Variants in AK8 observed in about 807,000 individuals in gnomAD.
AK8 encodes the protein ATP-AMP transphosphorylase 8.
In AK8, 44 loss-of-function variants were observed where a neutral mutation model predicts 54.6. The ratio of observed to expected loss-of-function variants is 0.81; its 90% CI spans 0.63 to 1.04. AK8 has a LOEUF of 1.04. AK8 is among the 50% of genes least tolerant of loss of function. The pLI is 0.00. For missense variants in AK8, 555 were observed against 613.6 expected (o/e 0.90, Z 1.01); for synonymous variants, 239 against 245.6 (o/e 0.97, Z 0.25).
chr9:132,819,353 T>G (rs750181519), intron 9 of AK8, among the ~76,000 whole-genome samples: 16 of 152,234 alleles, frequency 1.1e-4, no homozygotes, highest in Non-Finnish European at 2.1e-4. Flanking sequence ...TACGCCATTT[T>G]GTATCAGAGA....
At chr9:132,830,300 A>G (rs955366405) in intron 5 of AK8, among the ~76,000 whole-genome samples, 15 of 152,192 alleles carry the variant, frequency 9.9e-5, no homozygotes, top group Non-Finnish European at 2.1e-4. Flanking sequence ...ACATCCTCAG[A>G]TAAATTTCTA....
chr9:132,737,513 A>C (rs750731004), intron 11 of AK8, among the ~76,000 whole-genome samples: 11 of 152,266 alleles, frequency 7.2e-5, no homozygotes, highest in Non-Finnish European at 1.3e-4. Context: ...ATCTAGCATT[A>C]CATAAAAAGA....
In AK8 at chr9:132,774,197, G is replaced by A. The variant is rs534627171; in HGVS notation, c.1121+18437C>T. On this transcript the variant is annotated intron_variant, in intron 11 of 12. Transcript: ENST00000298545. ...AGAGAAAAGGAGGCACAATGCCAGCGCCCCTGGATGGACACTGTCTCGTGG... is the reference window on the plus strand; with the variant it reads ...AGAGAAAAGGAGGCACAATGCCAGCACCCCTGGATGGACACTGTCTCGTGG... 1.1e-4 allele frequency among the ~76,000 whole-genome samples: 16 copies of A among 152,196 alleles called. No homozygotes were observed. The East Asian group carries it at 1.7e-3, about 17-fold the overall frequency.
intron 11 of AK8, among the ~76,000 whole-genome samples, chr9:132,759,538 G>A (rs989489469): frequency 5.3e-5 from 8 of 152,168 alleles, no homozygotes; most frequent in African/African-American, 1.4e-4. Flanking sequence ...AGATAGTTTC[G>A]TATATGTTCT....
intron 4 of AK8, among the ~76,000 whole-genome samples, chr9:132,862,809 G>A (rs1236447480): frequency 1.3e-5 from 2 of 152,182 alleles, no homozygotes; most frequent in African/African-American, 4.8e-5. Context: ...TGGCTTTGAA[G>A]CTGCCTTTGT....
chr9:132,867,044 C>A, intron 2 of AK8, 91 bp from the exon 3 acceptor site: 2 of 1,275,868 alleles, frequency 1.6e-6, no homozygotes, highest in African/African-American at 1.5e-5. Context: ...TTTCTCCCTC[C>A]CTAGATTTCA....
intron 11 of AK8, among the ~76,000 whole-genome samples, chr9:132,750,253 G>A (rs1177577298): frequency 6.6e-6 from 1 of 151,840 alleles, no homozygotes; most frequent in Non-Finnish European, 1.5e-5. Context: ...CGAGTAGCTG[G>A]GATTACAGGC....
chr9:132,814,485 A>C (rs1841225612), intron 10 of AK8, among the ~76,000 whole-genome samples, 153 bp downstream of exon 10: 1 of 152,078 alleles, frequency 6.6e-6, no homozygotes, highest in Non-Finnish European at 1.5e-5. Flanking sequence ...TACCGGAAGC[A>C]AGCAGCAGAG....
rs1841885630 is a variant in AK8, at chr9:132,826,784, A to C, written c.757+70T>G. On this transcript the variant is annotated intron_variant, in intron 8 of 12. Transcript: ENST00000298545. This position sits in a 1 kb window ranked among gnomAD's most constrained non-coding sequence, Gnocchi z 4.5. ...TGGCCACTACCAGAATAAGGGACAAAGTGGTAGAAGGCACAGCGAGCCCCG... is the reference window on the plus strand; with the variant it reads ...TGGCCACTACCAGAATAAGGGACAACGTGGTAGAAGGCACAGCGAGCCCCG... The C allele has an allele frequency of 2.0e-6, 3 of 1,525,298 alleles. No individual in the cohort carries two copies. The highest frequency in any genetic ancestry group is 3.4e-5 in the Admixed American group (2 of 59,246). The allele number at this position is 1,525,298 out of a possible 1,614,324, so 94.5% of individuals were successfully genotyped here. A position where few individuals can be genotyped will look rare whatever the true frequency, so the allele number is the denominator to read the frequency against.
At chr9:132,850,178 C>T (rs1296349991) in intron 5 of AK8, among the ~76,000 whole-genome samples, 4 of 149,510 alleles carry the variant, frequency 2.7e-5, no homozygotes, top group African/African-American at 9.8e-5. Flanking sequence ...CTCAGCCTAC[C>T]GAGTAGCTGG....
chr9:132,740,078 A>G (rs1018690815), intron 11 of AK8, among the ~76,000 whole-genome samples: 6 of 152,252 alleles, frequency 3.9e-5, no homozygotes, highest in African/African-American at 1.4e-4. Flanking sequence ...TAAATGCGGA[A>G]GAGAAGTGCA....
At position 132,781,034 on chromosome 9, in the gene AK8, C is replaced by T. The variant is rs916973641; in HGVS notation, c.1121+11600G>A. ...CATCAATCAGAATCCTATACTCTTT[C>T]TCTGTAGTAAGCATTAATTTTAAAA... is the stretch of plus-strand genomic sequence containing the variant. On this transcript the variant is annotated intron_variant, in intron 11 of 12. Transcript: ENST00000298545. This position sits in a 1 kb window ranked among gnomAD's most constrained non-coding sequence, Gnocchi z 4.6. 2.0e-5 allele frequency among the ~76,000 whole-genome samples: 3 copies of T among 152,170 alleles called. No individual in the cohort carries two copies. Among genetic ancestry groups the T allele is most frequent in the African/African-American group, 7.2e-5 (3 of 41,434 alleles).
At chr9:132,810,811 C>T (rs920198047) in intron 10 of AK8, among the ~76,000 whole-genome samples, 3 of 152,112 alleles carry the variant, frequency 2.0e-5, no homozygotes, top group Non-Finnish European at 4.4e-5. Flanking sequence ...GTTCTCTTTC[C>T]AAGCAATTGC....
rs185870777 is a variant in AK8 at position 132,834,582 on chromosome 9, G to T, written c.403-5856C>A. 5.9e-5 allele frequency among the ~76,000 whole-genome samples: 9 copies of T among 152,280 alleles called. No individual in the cohort carries two copies. In the East Asian group the frequency reaches 1.7e-3, roughly 29 times the overall value. ...GCAGGAACCCGTTACCCCTTAACTT[G>T]CTCTGATTCCTCCACCTGATCAAGG... On this transcript the variant is annotated intron_variant, in intron 5 of 12. Transcript: ENST00000298545.
rs1156617484 is a variant in AK8 at position 132,769,583 on chromosome 9, T to G, written c.1121+23051A>C. 30 of 152,268 alleles carry G rather than the reference T, an allele frequency of 2.0e-4. 1 individual carries two copies. The East Asian group carries it at 5.6e-3, about 28-fold the overall frequency. The allele number at this position is 152,268 out of a possible 1,614,324, so 9.4% of individuals were successfully genotyped here. ...CATAAGAGAAGGGCTCCAGCAAGAA[T>G]GCAAAGGAAGATTTGTCTAAAATGG... On this transcript the variant is annotated intron_variant, in intron 11 of 12. Coordinates refer to ENST00000298545, the MANE Select transcript of AK8 (RefSeq NM_152572.3).
intron 11 of AK8, among the ~76,000 whole-genome samples, chr9:132,738,638 C>T (rs1564374271): frequency 6.6e-6 from 1 of 151,948 alleles, no homozygotes; most frequent in Non-Finnish European, 1.5e-5. Flanking sequence ...GGATGTTTCC[C>T]TTGGGCAACA....
At chr9:132,784,063 G>A (rs1356863625) in intron 11 of AK8, among the ~76,000 whole-genome samples, 1 of 152,162 alleles carries the variant, frequency 6.6e-6, no homozygotes, top group Non-Finnish European at 1.5e-5. Flanking sequence ...CTGAAATACT[G>A]TAAGTGAAAG....
At chr9:132,855,153 C>T (rs1434313536) in intron 4 of AK8, among the ~76,000 whole-genome samples, 1 of 152,138 alleles carries the variant, frequency 6.6e-6, no homozygotes, top group African/African-American at 2.4e-5. Context: ...GTGCCCAAGC[C>T]CCAACATGCC....
At chr9:132,809,730 G>A (rs906555876) in intron 10 of AK8, among the ~76,000 whole-genome samples, 1 of 152,226 alleles carries the variant, frequency 6.6e-6, no homozygotes, top group African/African-American at 2.4e-5. Flanking sequence ...AACTCAGGAT[G>A]AGGGGAAGGG....
Sources: gnomAD v4.1 joint callset for allele counts (sites outside exome capture counted in the v4.1 genomes callset) on GRCh38, gnomAD v4.1.1 for gene constraint, Gnocchi (gnomAD v3.1) non-coding constraint, MANE v1.5 for transcripts, NCBI Gene and HGNC (gene_info 2026-07-23, HGNC 2026-07-21) for gene names.